CLEC4A: variants seen among roughly 807,000 people sequenced by gnomAD.
CLEC4A encodes C-type (calcium dependent, carbohydrate-recognition domain) lectin, superfamily member 6.
A neutral mutation model predicts 32.7 loss-of-function variants in CLEC4A; 27 were observed. The observed-to-expected ratio is 0.83, with a 90% CI of 0.61 to 1.14. The LOEUF (loss-of-function observed/expected upper bound fraction) is 1.14, where lower values mean the gene tolerates loss of function less well. Ranked by LOEUF, CLEC4A falls within the 50% of genes most tolerant of loss-of-function variation. The probability of loss-of-function intolerance (pLI) is 0.00; values close to 1 mark genes in which losing one functional copy is unlikely to be tolerated. For synonymous variants in CLEC4A, 89 were observed against 93.7 expected, an observed-to-expected ratio of 0.95 and a Z score of 0.29; for missense variants, 253 against 274.6, an observed-to-expected ratio of 0.92 and a Z score of 0.55.
At chr12:8,110,103 C>T in the CLEC4A span, among the ~76,000 whole-genome samples, 1 of 152,080 alleles carries the variant, frequency 6.6e-6, no homozygotes, top group African/African-American at 2.4e-5. Context: ...TAAGAAACCC[C>T]AAACCAACTG....
the CLEC4A span, among the ~76,000 whole-genome samples, chr12:8,106,143 G>C: frequency 6.6e-6 from 1 of 152,114 alleles, no homozygotes; most frequent in Non-Finnish European, 1.5e-5. Flanking sequence ...ATTGAATAGG[G>C]AGTCCTTTCC....
At position 8,136,903 on chromosome 12, in the gene CLEC4A, C is replaced by G. The variant is rs767315232; in HGVS notation, c.566C>G (p.Thr189Arg). The G allele has an allele frequency of 1.9e-6, 3 of 1,597,010 alleles. No homozygotes were observed. In the South Asian group the frequency reaches 3.3e-5, roughly 18 times the overall value. The change falls in exon 5 of 6, where the codon ACA (threonine) becomes AGA (arginine). Residue 189 changes from threonine to arginine, a missense_variant and splice_region_variant. By Grantham distance (71) the Thr-to-Arg change is moderately conservative. Transcript: ENST00000229332. ...VDQTPYNESS[T>R]FWHPREPSDP... The stretch of plus-strand genomic sequence containing the variant: ...CAGACACCATACAATGAAAGTTCCA[C>G]GTGAGTATAGAATGAGATAAAAGAA...
intron 3 of CLEC4A, chr12:8,134,743 T>G: frequency 6.4e-7 from 1 of 1,561,728 alleles, no homozygotes; most frequent in Non-Finnish European, 8.7e-7. Context: ...CCTTGGAAGC[T>G]TAGCCAGGTC....
chr12:8,128,092 C>T (rs1017450180), intron 2 of CLEC4A, among the ~76,000 whole-genome samples: 11 of 151,848 alleles, frequency 7.2e-5, no homozygotes, highest in African/African-American at 1.9e-4. Flanking sequence ...ATGAGAAAGA[C>T]GGATAAGGAT....
chr12:8,137,624 A>C (rs1409841589), intron 5 of CLEC4A, among the ~76,000 whole-genome samples: 1 of 152,250 alleles, frequency 6.6e-6, no homozygotes, highest in Non-Finnish European at 1.5e-5. Context: ...TGTATGAAAT[A>C]AATAGTGATA....
chr12:8,134,640 C>G (rs770502487), intron 3 of CLEC4A: 18 of 1,606,826 alleles, frequency 1.1e-5, no homozygotes, highest in Non-Finnish European at 1.4e-5. Flanking sequence ...CGCCATCCCC[C>G]CGCAGAACTC....
intron 3 of CLEC4A, among the ~76,000 whole-genome samples, chr12:8,132,248 T>A (rs796773819): frequency 3.9e-5 from 6 of 152,322 alleles, no homozygotes; most frequent in African/African-American, 1.4e-4. Flanking sequence ...ACATTGTACA[T>A]TTCATGTCCC....
At chr12:8,126,533 A>G (rs1207830374) in intron 2 of CLEC4A, among the ~76,000 whole-genome samples, 1 of 152,074 alleles carries the variant, frequency 6.6e-6, no homozygotes, top group Non-Finnish European at 1.5e-5. Flanking sequence ...AATTTTTAAA[A>G]GGCATAAAAA....
At chr12:8,127,086 G>A (rs1035846764) in intron 2 of CLEC4A, among the ~76,000 whole-genome samples, 2 of 152,172 alleles carry the variant, frequency 1.3e-5, no homozygotes, top group African/African-American at 4.8e-5. Flanking sequence ...TCTGTGTCTT[G>A]GCAATTGAGA....
At chr12:8,103,374 T>C in the CLEC4A span, among the ~76,000 whole-genome samples, 7 of 96,208 alleles carry the variant, frequency 7.3e-5, 1 homozygote, top group African/African-American at 2.6e-4. Flanking sequence ...TTTCTTTCTG[T>C]TGTTTTTTTT....
chr12:8,127,933 T>TG (rs1326001324), intron 2 of CLEC4A, among the ~76,000 whole-genome samples: 2 of 152,208 alleles, frequency 1.3e-5, no homozygotes, highest in East Asian at 3.9e-4. Context: ...GAGTTTTATA[T>TG]GGCTGTGAGA....
At chr12:8,115,144 C>T in the CLEC4A span, among the ~76,000 whole-genome samples, 1 of 152,320 alleles carries the variant, frequency 6.6e-6, no homozygotes, top group African/African-American at 2.4e-5. Context: ...TTCAGTATGT[C>T]ACCAAATCCT....
intron 2 of CLEC4A, among the ~76,000 whole-genome samples, chr12:8,126,983 C>T (rs1008849516): frequency 6.6e-6 from 1 of 152,154 alleles, no homozygotes; most frequent in Non-Finnish European, 1.5e-5. Context: ...TTTTTCCCTC[C>T]TAAAGGTTAT....
chr12:8,133,500 ATT>A (rs35915549), intron 3 of CLEC4A, among the ~76,000 whole-genome samples: 8,754 of 138,152 alleles, frequency 0.063, 623 homozygotes, highest in African/African-American at 0.18. Flanking sequence ...TAAAATTTCC[ATT>A]TTTTTTTTTT....
Position 8,123,888 on chromosome 12 carries a change from G to A in CLEC4A, c.10G>A (p.Glu4Lys). Residue 4 changes from glutamate (E) to lysine (K), a missense_variant, in exon 1 of 6, where the codon GAA becomes AAA. By Grantham distance (56) the Glu-to-Lys change is moderately conservative. Transcript: ENST00000229332. The part of the protein sequence containing the change: MTS[E>K]ITYAEVRFKN... ...AAGCTCTCTTCCCATTATGACTTCG[G>A]AAATCACTTATGCTGAAGTGAGGTT... 1 of 1,610,568 alleles carries A rather than the reference G, an allele frequency of 6.2e-7. No homozygotes were observed. The highest frequency in any genetic ancestry group is 8.5e-7 in the Non-Finnish European group (1 of 1,176,764).
rs1391275294 is a variant in CLEC4A at position 8,129,317 on chromosome 12, G to A, written c.253G>A (p.Val85Ile). ...TGAAAAAAAGACTACAAAAGAGCTGGTTCATACAACATTGGAGTGTGTGAA... is the reference window on the plus strand; with the variant it reads ...TGAAAAAAAGACTACAAAAGAGCTGATTCATACAACATTGGAGTGTGTGAA... ...LLEKKTTKEL[V>I]HTTLECVKKN... The change falls in exon 3 of 6, where the codon GTT becomes ATT. Residue 85 changes from valine (V) to isoleucine (I), a missense_variant. Physicochemically the swap from Val to Ile is conservative, Grantham distance 29 (BLOSUM62 3). Transcript: ENST00000229332. The A allele has an allele frequency of 5.0e-6, 8 of 1,608,284 alleles. No individual in the cohort carries two copies. In the South Asian group the frequency reaches 7.9e-5, roughly 16 times the overall value.
In CLEC4A at chr12:8,129,249, T is replaced by C; in HGVS notation, c.200-15T>C. 6.7e-7 allele frequency: 1 copy of C among 1,490,494 alleles called. No homozygotes were observed. The highest frequency in any genetic ancestry group is 9.3e-7 in the Non-Finnish European group (1 of 1,078,854). 92.3% of individuals were successfully genotyped at this position (1,490,494 alleles called of 1,614,324 possible). The stretch of plus-strand genomic sequence containing the variant: ...TGCTACCAGGAAAATAAATGGTCTT[T>C]ATTCTCTTTTCCAGTTTTCTTTCAA... On this transcript the variant is annotated splice_polypyrimidine_tract_variant and intron_variant, in intron 2 of 5. Coordinates refer to ENST00000229332, the MANE Select transcript of CLEC4A (RefSeq NM_016184.4).
the CLEC4A span, among the ~76,000 whole-genome samples, chr12:8,103,026 G>C: frequency 2.0e-5 from 3 of 152,022 alleles, no homozygotes; most frequent in Non-Finnish European, 4.4e-5. Context: ...AAAAAATGTG[G>C]ACAATCAATT....
At chr12:8,133,711 G>C (rs1478227676) in intron 3 of CLEC4A, 5 of 1,583,322 alleles carry the variant, frequency 3.2e-6, no homozygotes, top group Non-Finnish European at 4.3e-6. Context: ...ACAAACTCCA[G>C]GTGCTCTTTC....
Sources: gnomAD v4.1 joint callset for allele counts (sites outside exome capture counted in the v4.1 genomes callset) on GRCh38, gnomAD v4.1.1 for gene constraint, MANE v1.5 for transcripts, NCBI Gene and HGNC (gene_info 2026-07-23, HGNC 2026-07-21) for gene names.